The following DPH6 variants were observed in gnomAD, a reference collection of about 807,000 sequenced individuals.
DPH6 encodes the protein diphthine--ammonia ligase.
In DPH6, 33 loss-of-function variants were observed where a neutral mutation model predicts 38.2. That is an observed-to-expected ratio of 0.86 (90% CI 0.65 to 1.15). The LOEUF (loss-of-function observed/expected upper bound fraction) is 1.15. DPH6 is among the 50% of genes most tolerant of loss of function. DPH6 has a pLI of 0.00. For missense variants in DPH6, 325 were observed against 320.0 expected (o/e 1.02, Z -0.12); for synonymous variants, 108 against 103.0 (o/e 1.05, Z -0.30).
At chr15:35,538,802 T>G (rs1360096807) in intron 2 of DPH6, among the ~76,000 whole-genome samples, 1 of 152,122 alleles carries the variant, frequency 6.6e-6, no homozygotes, top group Non-Finnish European at 1.5e-5. Context: ...TAAATATTTT[T>G]ATTACATAAA....
chr15:35,434,296 T>C (rs1054287766), intron 5 of DPH6, among the ~76,000 whole-genome samples: 5 of 152,186 alleles, frequency 3.3e-5, no homozygotes, highest in African/African-American at 1.2e-4. Flanking sequence ...TTGATGTTGA[T>C]ATTTTAAAAA....
chr15:35,477,527 A>C (rs1262841068), intron 3 of DPH6, among the ~76,000 whole-genome samples: 1 of 151,840 alleles, frequency 6.6e-6, no homozygotes, highest in East Asian at 1.9e-4. Flanking sequence ...AGTATGATGC[A>C]TTGGTTCCTG....
intron 3 of DPH6, among the ~76,000 whole-genome samples, chr15:35,337,213 G>A (rs1412586382): frequency 6.6e-6 from 1 of 152,100 alleles, no homozygotes. Flanking sequence ...ATTTCTTTTC[G>A]ATTTTCTAGT....
intron 3 of DPH6, chr15:35,521,406 C>A (rs115574079): frequency 1.5e-5 from 17 of 1,098,318 alleles, no homozygotes; most frequent in Non-Finnish European, 1.1e-6. Context: ...TCTGTAAGAT[C>A]CTCTAGGAAG....
At chr15:35,242,103 T>C (rs1266082451) in intron 3 of DPH6, among the ~76,000 whole-genome samples, 1 of 144,610 alleles carries the variant, frequency 6.9e-6, no homozygotes, top group Non-Finnish European at 1.5e-5. Flanking sequence ...CTGACACCCA[T>C]CAGGCTCAGC....
intron 3 of DPH6, among the ~76,000 whole-genome samples, chr15:35,474,282 C>A (rs1420218416): frequency 2.0e-5 from 3 of 152,124 alleles, no homozygotes; most frequent in Non-Finnish European, 2.9e-5. Context: ...TAGCTCTGAT[C>A]TACATATTAC....
Position 35,371,869 on chromosome 15 carries a change from G to A in DPH6, c.*281C>T. Reference sequence around the variant, plus strand: ...ATAAAAAAAGAAATGCTACAGAAATGGGGTTTATAGATGAAATAAAAGAAA... The same window carrying A: ...ATAAAAAAAGAAATGCTACAGAAATAGGGTTTATAGATGAAATAAAAGAAA... On this transcript the variant is annotated 3_prime_UTR_variant, in exon 9 of 9. Transcript: ENST00000256538. The A allele has an allele frequency of 9.2e-7, 1 of 1,085,078 alleles. No homozygotes were observed. Among genetic ancestry groups the A allele is most frequent in the Non-Finnish European group, 1.1e-6 (1 of 892,348 alleles). The allele number at this position is 1,085,078 out of a possible 1,614,324, so 67.2% of individuals were successfully genotyped here. A position where few individuals can be genotyped will look rare whatever the true frequency, so the allele number is the denominator to read the frequency against.
At chr15:35,334,414 G>T (rs2052351156) in intron 3 of DPH6, among the ~76,000 whole-genome samples, 1 of 151,808 alleles carries the variant, frequency 6.6e-6, no homozygotes, top group Admixed American at 6.6e-5. Context: ...TTTATTTTAA[G>T]TTCAGGGGTA....
At chr15:35,179,755 G>A in the DPH6 span, among the ~76,000 whole-genome samples, 1 of 152,166 alleles carries the variant, frequency 6.6e-6, no homozygotes, top group Non-Finnish European at 1.5e-5. Flanking sequence ...TGATACTTGT[G>A]AGAATGAGAT....
At chr15:35,411,820 A>G (rs1469671471) in intron 5 of DPH6, among the ~76,000 whole-genome samples, 1 of 151,744 alleles carries the variant, frequency 6.6e-6, no homozygotes, top group Non-Finnish European at 1.5e-5. Flanking sequence ...ATGCAAAAAA[A>G]TGGATCTAGA....
chr15:35,465,241 T>G (rs570757340), intron 3 of DPH6, among the ~76,000 whole-genome samples: 88 of 152,326 alleles, frequency 5.8e-4, no homozygotes, highest in African/African-American at 2.0e-3. Flanking sequence ...AGTTCCTGCC[T>G]GTTGAGAAAA....
downstream of DPH6, among the ~76,000 whole-genome samples, chr15:35,329,632 A>G (rs1419404571): frequency 6.6e-6 from 1 of 152,150 alleles, no homozygotes; most frequent in East Asian, 1.9e-4. Context: ...GAGTTCAAGG[A>G]AAGGCTTGTA....
the DPH6 span, among the ~76,000 whole-genome samples, chr15:35,180,274 G>A: frequency 6.6e-6 from 1 of 152,034 alleles, no homozygotes; most frequent in Non-Finnish European, 1.5e-5. Context: ...AAATGGCATT[G>A]TAGAGAAAAA....
the DPH6 span, among the ~76,000 whole-genome samples, chr15:35,185,724 CTTTTTTTTTTTTT>C: frequency 6.0e-5 from 5 of 83,016 alleles, no homozygotes; most frequent in Non-Finnish European, 1.2e-4. Context: ...CCAATCCACT[CTTTTTTTTTTTTT>C]TTTTTTTTTT....
intron 3 of DPH6, among the ~76,000 whole-genome samples, chr15:35,495,560 A>T (rs1332581308): frequency 6.6e-6 from 1 of 152,208 alleles, no homozygotes; most frequent in Non-Finnish European, 1.5e-5. Context: ...CTACACAGGA[A>T]ATGCCAAAAT....
chr15:35,252,927 T>G (rs1047578696), intron 3 of DPH6, among the ~76,000 whole-genome samples: 1 of 152,222 alleles, frequency 6.6e-6, no homozygotes, highest in African/African-American at 2.4e-5. Flanking sequence ...ATTAGAGTTG[T>G]ATCAACCTTC....
At chr15:35,224,527 G>A (rs796840764) in intron 3 of DPH6, among the ~76,000 whole-genome samples, 21 of 152,294 alleles carry the variant, frequency 1.4e-4, no homozygotes, top group African/African-American at 5.1e-4. Flanking sequence ...AAGCTGCTAC[G>A]AACATTCATG....
chr15:35,450,877 G>T, intron 4 of DPH6, 74 bp from the exon 5 acceptor site: 2 of 1,172,940 alleles, frequency 1.7e-6, no homozygotes, highest in South Asian at 2.9e-5. Context: ...CAATTACTTT[G>T]ATTTGAAACA....
At chr15:35,436,636 T>C (rs1454751789) in intron 5 of DPH6, among the ~76,000 whole-genome samples, 1 of 151,860 alleles carries the variant, frequency 6.6e-6, no homozygotes, top group African/African-American at 2.4e-5. Context: ...GAATAAGAGG[T>C]TTCTTGCTCA....
Sources: allele counts gnomAD v4.1 joint callset (sites outside exome capture counted in the v4.1 genomes callset), GRCh38; gene constraint gnomAD v4.1.1; transcripts MANE v1.5; gene names NCBI Gene and HGNC (gene_info 2026-07-23, HGNC 2026-07-21).